Variants in ZNF81 observed in about 807,000 individuals in gnomAD.
ZNF81 encodes the protein zinc finger protein 81 (HFZ20).
A neutral mutation model predicts 32.3 loss-of-function variants in ZNF81; 5 were observed. The ratio of observed to expected loss-of-function variants is 0.15; its 90% CI spans 0.08 to 0.33. The LOEUF is 0.33. ZNF81 is among the 10% of genes least tolerant of loss of function. ZNF81 has a pLI of 1.00. For missense variants in ZNF81, 379 were observed against 479.8 expected (o/e 0.79, Z 1.96); for synonymous variants, 163 against 166.8 (o/e 0.98, Z 0.17).
At chrX:47,841,236 T>C in intron 1 of ZNF81, 1 of 730,353 alleles carries the variant, frequency 1.4e-6, no homozygotes, top group South Asian at 2.1e-5. Flanking sequence ...CCTTGGCTTG[T>C]CTATGTTTAA....
Position 47,909,311 on chromosome X carries a change from C to G in ZNF81, c.278-5613C>G, listed in dbSNP as rs5952460. 3.0e-3 allele frequency among the ~76,000 whole-genome samples: 338 copies of G among 111,731 alleles called. 2 individuals are homozygous for G. Among genetic ancestry groups the G allele is most frequent in the African/African-American group, 0.01 (321 of 30,782 alleles). ...AAGTGGTATTGTGTTATCTTCCCCC[C>G]TTTCTAGTATCTGCTGTCCATTTAG... On this transcript the variant is annotated intron_variant, in intron 4 of 4. Transcript: ENST00000338637.
intron 2 of ZNF81, chrX:47,860,801 C>G (rs1450886911): frequency 2.7e-5 from 3 of 110,981 alleles, no homozygotes; most frequent in African/African-American, 9.8e-5. Flanking sequence ...GGATGGCACG[C>G]CCGGAGAAGA....
chrX:47,872,840 A>G (rs2058585525), intron 2 of ZNF81, among the ~76,000 whole-genome samples: 1 of 111,668 alleles, frequency 9.0e-6, no homozygotes, highest in African/African-American at 3.3e-5. Context: ...AACAAAGGTT[A>G]TTGTGTTATA....
intron 4 of ZNF81, among the ~76,000 whole-genome samples, chrX:47,898,191 G>A (rs1556887471): frequency 9.0e-6 from 1 of 111,513 alleles, no homozygotes; most frequent in Non-Finnish European, 1.9e-5. Flanking sequence ...CCAGTTGCTT[G>A]GTACCTGGCC....
At chrX:47,840,999 A>G (rs781880020) in intron 1 of ZNF81, 48 of 790,306 alleles carry the variant, frequency 6.1e-5, no homozygotes, top group Non-Finnish European at 8.4e-5. Context: ...TGATGTGTTC[A>G]CCCCGATAGC....
intron 2 of ZNF81, among the ~76,000 whole-genome samples, chrX:47,861,711 A>G (rs1372277505): frequency 1.8e-5 from 2 of 112,218 alleles, no homozygotes; most frequent in Non-Finnish European, 3.8e-5. Context: ...CCCATAAACC[A>G]TTAAGGTCTG....
At chrX:47,886,212 C>G (rs2058641115) in intron 2 of ZNF81, among the ~76,000 whole-genome samples, 1 of 112,283 alleles carries the variant, frequency 8.9e-6, no homozygotes, top group Non-Finnish European at 1.9e-5. Context: ...TCTTCCCTTT[C>G]TCTCCACACC....
chrX:47,841,004 G>C, intron 1 of ZNF81: 1 of 808,310 alleles, frequency 1.2e-6, no homozygotes, highest in South Asian at 2.1e-5. Context: ...TGTTCACCCC[G>C]ATAGCCAGGT....
intron 4 of ZNF81, among the ~76,000 whole-genome samples, chrX:47,904,806 A>G (rs1603206711): frequency 8.9e-6 from 1 of 112,022 alleles, no homozygotes; most frequent in South Asian, 3.7e-4. Flanking sequence ...AAGACTTGGA[A>G]CCAACCCAAA....
At chrX:47,907,946 T>C (rs184238003) in intron 4 of ZNF81, among the ~76,000 whole-genome samples, 24 of 111,964 alleles carry the variant, frequency 2.1e-4, no homozygotes, top group South Asian at 3.7e-4. Context: ...CATGGCTTCA[T>C]TGGTGAACTC....
chrX:47,843,919 G>C (rs2058460855), intron 1 of ZNF81, among the ~76,000 whole-genome samples: 1 of 111,231 alleles, frequency 9.0e-6, no homozygotes, highest in African/African-American at 3.3e-5. Flanking sequence ...TTTGGTTTTT[G>C]TTTTGCTTAA....
chrX:47,850,916 CACACACACACACACACACAA>C (rs1556881139), intron 2 of ZNF81, among the ~76,000 whole-genome samples: 5 of 98,067 alleles, frequency 5.1e-5, no homozygotes, highest in Non-Finnish European at 1.0e-4. Flanking sequence ...CACACACACA[CACACACACACACACACACAA>C]CCCAACACCC....
intron 2 of ZNF81, among the ~76,000 whole-genome samples, chrX:47,866,234 T>C (rs1556883260): frequency 8.9e-6 from 1 of 111,797 alleles, no homozygotes. Flanking sequence ...AAAAGACCAT[T>C]ACTCAGAGAA....
intron 2 of ZNF81, among the ~76,000 whole-genome samples, chrX:47,863,638 T>G (rs1556882881): frequency 8.9e-6 from 1 of 111,883 alleles, no homozygotes; most frequent in Non-Finnish European, 1.9e-5. Flanking sequence ...AGTTTAGTGA[T>G]TGACTATTCT....
intron 1 of ZNF81, chrX:47,841,519 C>T (rs112688110): frequency 0.045 from 43,037 of 965,504 alleles, 1,273 homozygotes; most frequent in African/African-American, 0.19. Context: ...CACGTTTCTG[C>T]CGCCAGGAAT....
At chrX:47,863,913 A>G (rs1476645803) in intron 2 of ZNF81, among the ~76,000 whole-genome samples, 1 of 112,156 alleles carries the variant, frequency 8.9e-6, no homozygotes, top group Non-Finnish European at 1.9e-5. Context: ...GTGCATAAAG[A>G]GAAAATCACT....
chrX:47,902,153 T>C (rs1484165114), intron 4 of ZNF81, among the ~76,000 whole-genome samples: 1 of 111,789 alleles, frequency 8.9e-6, no homozygotes, highest in Non-Finnish European at 1.9e-5. Flanking sequence ...ATAAGTTTTT[T>C]TCATTAATAC....
At chrX:47,902,492 C>T (rs1208787091) in intron 4 of ZNF81, among the ~76,000 whole-genome samples, 2 of 111,794 alleles carry the variant, frequency 1.8e-5, no homozygotes, top group Non-Finnish European at 3.8e-5. Context: ...CCAACAACTA[C>T]AGAATACACA....
intron 2 of ZNF81, among the ~76,000 whole-genome samples, chrX:47,875,786 C>T (rs2148021617): frequency 9.0e-6 from 1 of 111,716 alleles, no homozygotes; most frequent in South Asian, 3.7e-4. Context: ...AGCATTAAGC[C>T]CACTGATTTG....
Sources: gnomAD v4.1 joint callset for allele counts (sites outside exome capture counted in the v4.1 genomes callset) on GRCh38, gnomAD v4.1.1 for gene constraint, MANE v1.5 for transcripts, NCBI Gene and HGNC (gene_info 2026-07-23, HGNC 2026-07-21) for gene names.